Variants in RIMS2 observed in about 807,000 individuals in gnomAD.
The protein encoded by RIMS2 is regulating synaptic membrane exocytosis protein 2.
Under a neutral mutation model 174.4 loss-of-function variants are expected in RIMS2, and 59 were observed. The ratio of observed to expected loss-of-function variants is 0.34; its 90% CI spans 0.27 to 0.42. The LOEUF is 0.42. RIMS2 is among the 10% of genes least tolerant of loss of function. RIMS2 has a pLI of 1.00. For synonymous variants in RIMS2, 606 were observed against 572.5 expected (o/e 1.06, Z -0.84); for missense variants, 1,620 against 1,666.3 (o/e 0.97, Z 0.48).
At chr8:103,711,104 T>G (rs928921835) in intron 2 of RIMS2, among the ~76,000 whole-genome samples, 1 of 152,210 alleles carries the variant, frequency 6.6e-6, no homozygotes. Flanking sequence ...AACACTATCT[T>G]TTTTGTGGAT....
intron 1 of RIMS2, among the ~76,000 whole-genome samples, chr8:103,506,063 G>A (rs1823439917): frequency 6.6e-6 from 1 of 151,932 alleles, no homozygotes; most frequent in South Asian, 2.1e-4. Context: ...TTTTTAAAAA[G>A]TACCAATTGA....
intron 19 of RIMS2, among the ~76,000 whole-genome samples, chr8:104,188,479 T>A (rs2098981190): frequency 6.6e-6 from 1 of 151,672 alleles, no homozygotes; most frequent in South Asian, 2.1e-4. Flanking sequence ...CTTATAGAAT[T>A]TCCTAGATAC....
chr8:103,624,938 A>G (rs901826944), intron 1 of RIMS2, among the ~76,000 whole-genome samples: 1 of 152,188 alleles, frequency 6.6e-6, no homozygotes, highest in Non-Finnish European at 1.5e-5. Flanking sequence ...CCTTTTTGGC[A>G]GAAGAATATG....
chr8:103,839,355 T>A (rs1247608082), intron 3 of RIMS2, among the ~76,000 whole-genome samples: 4 of 152,224 alleles, frequency 2.6e-5, no homozygotes, highest in Non-Finnish European at 5.9e-5. Context: ...ATCTTGAGAA[T>A]GCTAATTTTG....
rs1587722674 is a variant in RIMS2, at chr8:104,221,272, A to T, written c.3335-23644A>T. On this transcript the variant is annotated intron_variant, in intron 19 of 23. Coordinates refer to ENST00000504942, the Ensembl canonical transcript of RIMS2. ...CATACGTGCGCACACACATAAACAT[A>T]CATATTCATAAAACAATAGTGCAAT... 2.0e-5 allele frequency among the ~76,000 whole-genome samples: 3 copies of T among 152,200 alleles called. No homozygotes were observed. The East Asian group carries it at 5.8e-4, about 29-fold the overall frequency.
chr8:103,832,145 A>G (rs1475672669), intron 3 of RIMS2, among the ~76,000 whole-genome samples: 1 of 152,218 alleles, frequency 6.6e-6, no homozygotes, highest in Non-Finnish European at 1.5e-5. Context: ...TACTTTCAAT[A>G]TATCTGTGGC....
chr8:103,786,228 G>T (rs969933387), intron 3 of RIMS2, among the ~76,000 whole-genome samples: 16 of 152,186 alleles, frequency 1.1e-4, no homozygotes, highest in South Asian at 4.2e-4. Context: ...CCAGCTCCTG[G>T]ATTCATTAAT....
intron 17 of RIMS2, among the ~76,000 whole-genome samples, chr8:103,993,719 A>G (rs191960127): frequency 3.3e-5 from 5 of 152,254 alleles, no homozygotes; most frequent in Non-Finnish European, 5.9e-5. Flanking sequence ...CAACATAAGG[A>G]AAGCATTAAC....
chr8:103,561,311 A>G (rs1268331041), intron 1 of RIMS2, among the ~76,000 whole-genome samples: 3 of 152,190 alleles, frequency 2.0e-5, no homozygotes, highest in African/African-American at 7.2e-5. Flanking sequence ...ATGACTATAT[A>G]TTTGAAAAAT....
intron 1 of RIMS2, among the ~76,000 whole-genome samples, chr8:103,588,029 A>G (rs914448503): frequency 5.9e-5 from 9 of 152,052 alleles, no homozygotes; most frequent in African/African-American, 2.2e-4. Flanking sequence ...CAAGACGACT[A>G]TTAGAACTAA....
intron 1 of RIMS2, among the ~76,000 whole-genome samples, chr8:103,568,333 T>G (rs2092540028): frequency 6.6e-6 from 1 of 152,048 alleles, no homozygotes; most frequent in Non-Finnish European, 1.5e-5. Flanking sequence ...TAAAATAAAT[T>G]AAAATTATGG....
At chr8:104,174,016 G>A (rs1485684653) in intron 19 of RIMS2, among the ~76,000 whole-genome samples, 4 of 151,078 alleles carry the variant, frequency 2.6e-5, no homozygotes, top group Non-Finnish European at 4.4e-5. Flanking sequence ...GCATGATCTC[G>A]GCCCACTGCA....
At chr8:103,964,959 T>C (rs2091405621) in intron 15 of RIMS2, among the ~76,000 whole-genome samples, 1 of 152,168 alleles carries the variant, frequency 6.6e-6, no homozygotes, top group Non-Finnish European at 1.5e-5. Flanking sequence ...AGAGATCAGT[T>C]CAATATATGT....
chr8:104,223,573 G>A, intron 19 of RIMS2: 1 of 1,469,294 alleles, frequency 6.8e-7, no homozygotes, highest in Non-Finnish European at 9.0e-7. Flanking sequence ...ACTGGTCCCG[G>A]AACCGCTGCG....
Position 103,540,982 on chromosome 8 carries a change from A to G in RIMS2, c.176+39920A>G, listed in dbSNP as rs564576761. ...ATACAGTGAGAGGAATAAAAAAGAA[A>G]CAAAAAAGAACAAAGAAAGCTTATG... On this transcript the variant is annotated intron_variant, in intron 1 of 23. Coordinates refer to ENST00000504942, the Ensembl canonical transcript of RIMS2. 1.0e-4 allele frequency among the ~76,000 whole-genome samples: 12 copies of G among 119,658 alleles called. No individual in the cohort carries two copies. In the East Asian group the frequency reaches 2.3e-3, roughly 23 times the overall value. 78.5% of individuals were successfully genotyped at this position (119,658 alleles called of 152,430 possible). A position where few individuals can be genotyped will look rare whatever the true frequency, so the allele number is the denominator to read the frequency against.
At chr8:103,591,191 T>A (rs1379805316) in intron 1 of RIMS2, among the ~76,000 whole-genome samples, 1 of 151,166 alleles carries the variant, frequency 6.6e-6, no homozygotes, top group Non-Finnish European at 1.5e-5. Context: ...TGCTTATTGA[T>A]CATTCATACA....
intron 5 of RIMS2, 28 bp from the exon 8 acceptor site, chr8:103,910,293 T>TC: frequency 5.1e-6 from 6 of 1,185,438 alleles, no homozygotes; most frequent in Non-Finnish European, 6.9e-6. Flanking sequence ...TTTTGTATCT[T>TC]TTTTTTTTTT....
At chr8:104,137,442 C>A (rs1278840011) in intron 19 of RIMS2, among the ~76,000 whole-genome samples, 1 of 152,074 alleles carries the variant, frequency 6.6e-6, no homozygotes, top group African/African-American at 2.4e-5. Context: ...CTCATTTATT[C>A]AACATATATT....
chr8:104,139,031 C>T (rs2133422052), intron 19 of RIMS2, among the ~76,000 whole-genome samples: 1 of 152,198 alleles, frequency 6.6e-6, no homozygotes. Context: ...CTGTTCTAAC[C>T]TCAATGTATG....
Sources: allele counts gnomAD v4.1 joint callset (sites outside exome capture counted in the v4.1 genomes callset), GRCh38; gene constraint gnomAD v4.1.1; transcripts MANE v1.5; gene names NCBI Gene and HGNC (gene_info 2026-07-23, HGNC 2026-07-21).